Variants in RNF150 observed in about 807,000 individuals in gnomAD.
RNF150 encodes the protein ring finger protein 150.
In RNF150, 24 loss-of-function variants were observed where a neutral mutation model predicts 39.3. The ratio of observed to expected loss-of-function variants is 0.61; its 90% confidence interval spans 0.44 to 0.86. RNF150 has a LOEUF of 0.86. Ranked by LOEUF, RNF150 falls within the 40% of genes least tolerant of loss-of-function variation. The probability of loss-of-function intolerance (pLI) is 0.00; values close to 1 mark genes in which losing one functional copy is unlikely to be tolerated. For missense variants in RNF150, 502 were observed against 587.8 expected (o/e 0.85, Z 1.51); for synonymous variants, 255 against 227.3 (o/e 1.12, Z -1.10).
chr4:140,894,306 C>A (rs1258948906), intron 6 of RNF150, among the ~76,000 whole-genome samples: 1 of 152,164 alleles, frequency 6.6e-6, no homozygotes, highest in Non-Finnish European at 1.5e-5. Context: ...TGAAAGACTT[C>A]CAGATTAACT....
intron 1 of RNF150, among the ~76,000 whole-genome samples, chr4:141,060,126 G>A (rs1161563607): frequency 6.6e-6 from 1 of 152,102 alleles, no homozygotes; most frequent in Non-Finnish European, 1.5e-5. Context: ...ACTGAAAAAG[G>A]TGGCTATAAC....
intron 1 of RNF150, among the ~76,000 whole-genome samples, chr4:141,201,094 A>ACTCACATGAATTAGTTACGTTAC (rs11274900): frequency 6.6e-6 from 1 of 151,702 alleles, no homozygotes; most frequent in Non-Finnish European, 1.5e-5. Context: ...ATTATTTCAG[A>ACTCACATGAATTAGTTACGTTAC]TCTTTACCAA....
intron 1 of RNF150, among the ~76,000 whole-genome samples, chr4:141,030,243 A>G (rs1301737815): frequency 4.0e-5 from 6 of 151,550 alleles, no homozygotes; most frequent in Non-Finnish European, 7.4e-5. Flanking sequence ...GCAAACCAAA[A>G]CTATGAGATA....
At position 141,027,912 on chromosome 4, in the gene RNF150, G is replaced by GTTTTTTGTTTTTTT. The variant is rs1560696593; in HGVS notation, c.485-60040_485-60039insAAAAAAACAAAAAA. ...TAGATAGTTAATGAGCTTGGAATTT[G>GTTTTTTGTTTTTTT]TTTTTTTTTTTTTGTTTTTTTTTTT... On this transcript the variant is annotated intron_variant, in intron 1 of 6. Transcript: ENST00000515673. Among the ~76,000 whole-genome samples, 21 of 27,102 alleles carry GTTTTTTGTTTTTTT rather than the reference G, an allele frequency of 7.7e-4. 2 individuals are homozygous for GTTTTTTGTTTTTTT. Among genetic ancestry groups the GTTTTTTGTTTTTTT allele is most frequent in the Admixed American group, 1.5e-3 (3 of 2,040 alleles). 17.8% of individuals were successfully genotyped at this position (27,102 alleles called of 152,430 possible). A position where few individuals can be genotyped will look rare whatever the true frequency, so the allele number is the denominator to read the frequency against.
chr4:141,089,514 T>C (rs1738497530), intron 1 of RNF150, among the ~76,000 whole-genome samples: 2 of 152,096 alleles, frequency 1.3e-5, no homozygotes, highest in South Asian at 2.1e-4. Flanking sequence ...AAAACAAACA[T>C]GATCAAGGAA....
intron 6 of RNF150, among the ~76,000 whole-genome samples, chr4:140,873,326 C>T (rs1231748795): frequency 1.3e-5 from 2 of 152,132 alleles, no homozygotes; most frequent in Non-Finnish European, 2.9e-5. Context: ...ATCAGTGGTT[C>T]ACACTGCTTG....
At chr4:140,904,153 T>C (rs1475704373) in intron 6 of RNF150, among the ~76,000 whole-genome samples, 1 of 152,166 alleles carries the variant, frequency 6.6e-6, no homozygotes, top group Non-Finnish European at 1.5e-5. Context: ...GCCATGGAGA[T>C]GGTGAGCTAG....
intron 6 of RNF150, among the ~76,000 whole-genome samples, chr4:140,899,866 C>T (rs1305744079): frequency 3.3e-5 from 5 of 151,644 alleles, no homozygotes; most frequent in Admixed American, 3.3e-4. Flanking sequence ...GCAGTGAGGA[C>T]CACCACAGAA....
intron 1 of RNF150, among the ~76,000 whole-genome samples, chr4:141,061,343 T>C (rs1006302362): frequency 6.6e-6 from 1 of 152,118 alleles, no homozygotes; most frequent in Non-Finnish European, 1.5e-5. Context: ...AGCTATTTGT[T>C]CACACATTGG....
intron 5 of RNF150, among the ~76,000 whole-genome samples, chr4:140,920,635 C>T (rs1450009768): frequency 1.3e-5 from 2 of 149,292 alleles, no homozygotes; most frequent in African/African-American, 2.5e-5. Flanking sequence ...GTGGCGATTC[C>T]TCAGGGATCT....
intron 1 of RNF150, among the ~76,000 whole-genome samples, chr4:140,989,023 G>C (rs923601108): frequency 6.6e-6 from 1 of 152,036 alleles, no homozygotes; most frequent in African/African-American, 2.4e-5. Flanking sequence ...TATAGAAAAA[G>C]ATTGTCCTCA....
intron 1 of RNF150, among the ~76,000 whole-genome samples, chr4:141,015,811 T>TA (rs1296115428): frequency 6.6e-6 from 1 of 152,174 alleles, no homozygotes; most frequent in Non-Finnish European, 1.5e-5. Context: ...CTGTTTCTCT[T>TA]ACTGTTCGAT....
intron 1 of RNF150, among the ~76,000 whole-genome samples, chr4:141,107,536 A>G (rs1323268863): frequency 6.6e-6 from 1 of 152,206 alleles, no homozygotes; most frequent in African/African-American, 2.4e-5. Flanking sequence ...AAATAATATG[A>G]CAAGGTAGCA....
intron 1 of RNF150, among the ~76,000 whole-genome samples, chr4:141,175,495 C>T (rs889998424): frequency 6.6e-6 from 1 of 152,110 alleles, no homozygotes; most frequent in East Asian, 1.9e-4. Flanking sequence ...TACCAGTGGT[C>T]GTAACATCCA....
intron 1 of RNF150, among the ~76,000 whole-genome samples, chr4:141,192,650 G>A (rs1360303399): frequency 1.3e-5 from 2 of 152,062 alleles, no homozygotes; most frequent in Admixed American, 6.6e-5. Context: ...GGTGGAAGAG[G>A]GTAAGAAAAG....
At chr4:141,088,384 A>ACT (rs1738446271) in intron 1 of RNF150, among the ~76,000 whole-genome samples, 1 of 152,236 alleles carries the variant, frequency 6.6e-6, no homozygotes, top group South Asian at 2.1e-4. Context: ...GTTAAAGCCA[A>ACT]CTTGAAGGAG....
intron 6 of RNF150, among the ~76,000 whole-genome samples, chr4:140,892,562 G>A (rs902427651): frequency 1.3e-5 from 2 of 152,230 alleles, no homozygotes; most frequent in African/African-American, 4.8e-5. Context: ...AAAACCCAAA[G>A]GCAAAGGTGT....
chr4:140,958,233 C>T (rs879795169), intron 2 of RNF150, among the ~76,000 whole-genome samples: 7 of 151,942 alleles, frequency 4.6e-5, no homozygotes, highest in Non-Finnish European at 7.4e-5. Flanking sequence ...ATTTTGGTAT[C>T]CATGGGTAGG....
intron 4 of RNF150, among the ~76,000 whole-genome samples, chr4:140,929,352 T>C: frequency 7.0e-6 from 1 of 143,850 alleles, no homozygotes; most frequent in Non-Finnish European, 1.5e-5. Context: ...CTCCTCTGGA[T>C]GCTAAGTTTT....
Sources: gnomAD v4.1 joint callset for allele counts (sites outside exome capture counted in the v4.1 genomes callset) on GRCh38, gnomAD v4.1.1 for gene constraint, MANE v1.5 for transcripts, NCBI Gene and HGNC (gene_info 2026-07-23, HGNC 2026-07-21) for gene names.